Variants in GRID1 observed in about 807,000 individuals in gnomAD.
The protein encoded by GRID1 is glutamate ionotropic receptor delta type subunit 1, also known as glutamate receptor ionotropic, delta-1.
Under a neutral mutation model 98.0 loss-of-function variants are expected in GRID1, and 28 were observed. The ratio of observed to expected loss-of-function variants is 0.29; its 90% CI spans 0.21 to 0.39. The LOEUF (loss-of-function observed/expected upper bound fraction) is 0.39, where lower values mean the gene tolerates loss of function less well. Among genes scored for constraint, GRID1 ranks in the 10% least tolerant of loss-of-function variants. The pLI, the probability that GRID1 is intolerant of heterozygous loss-of-function variation, is 1.00. For synonymous variants in GRID1, 553 were observed against 538.5 expected (o/e 1.03, Z -0.37); for missense variants, 1,111 against 1,340.5 (o/e 0.83, Z 2.67).
At chr10:86,137,298 A>C (rs1003007311) in intron 4 of GRID1, among the ~76,000 whole-genome samples, 3 of 152,262 alleles carry the variant, frequency 2.0e-5, no homozygotes, top group Non-Finnish European at 2.9e-5. Context: ...TTAACAGATG[A>C]AGAAACAGAG....
intron 8 of GRID1, among the ~76,000 whole-genome samples, chr10:85,812,311 C>T (rs1379620332): frequency 2.0e-5 from 3 of 147,780 alleles, no homozygotes; most frequent in Non-Finnish European, 3.1e-5. Flanking sequence ...AAAAATCAAA[C>T]CTTACTATGA....
intron 8 of GRID1, among the ~76,000 whole-genome samples, chr10:85,786,127 T>C (rs938170183): frequency 1.3e-5 from 2 of 152,200 alleles, no homozygotes; most frequent in African/African-American, 4.8e-5. Context: ...TTTCATGATA[T>C]TCCCCCAAGT....
intron 2 of GRID1, among the ~76,000 whole-genome samples, chr10:86,358,195 T>C (rs918341687): frequency 7.9e-5 from 12 of 152,050 alleles, no homozygotes; most frequent in Non-Finnish European, 1.6e-4. Flanking sequence ...AAAGGAAACA[T>C]AGCCATCCAT....
At chr10:86,009,378 T>G (rs962826339) in intron 4 of GRID1, among the ~76,000 whole-genome samples, 1 of 152,160 alleles carries the variant, frequency 6.6e-6, no homozygotes, top group Admixed American at 6.5e-5. Context: ...TGCAACCAGT[T>G]TTATTTATGC....
chr10:85,858,552 G>A (rs1451467741), intron 6 of GRID1, among the ~76,000 whole-genome samples: 1 of 152,166 alleles, frequency 6.6e-6, no homozygotes, highest in Admixed American at 6.5e-5. Context: ...GTGTTGATAA[G>A]TCTTCCTCCC....
chr10:85,850,110 A>G (rs1843044065), intron 8 of GRID1, among the ~76,000 whole-genome samples: 1 of 152,094 alleles, frequency 6.6e-6, no homozygotes, highest in South Asian at 2.1e-4. Flanking sequence ...AATCGGGTGG[A>G]TGCCACCCAC....
At chr10:86,014,493 C>T (rs1842957649) in intron 4 of GRID1, among the ~76,000 whole-genome samples, 1 of 152,218 alleles carries the variant, frequency 6.6e-6, no homozygotes, top group African/African-American at 2.4e-5. Flanking sequence ...CATGCCTGTT[C>T]AGGCCCTGGA....
chr10:86,124,302 C>T (rs899161193), intron 4 of GRID1, among the ~76,000 whole-genome samples: 1 of 152,144 alleles, frequency 6.6e-6, no homozygotes, highest in African/African-American at 2.4e-5. Flanking sequence ...TCTTGGACAC[C>T]TCCCCAATGT....
At chr10:85,667,305 TCA>T (rs149877829) in intron 12 of GRID1, among the ~76,000 whole-genome samples, 9 of 146,328 alleles carry the variant, frequency 6.2e-5, no homozygotes, top group African/African-American at 2.3e-4. Context: ...CTTTCTAAAA[TCA>T]CACACACACA....
chr10:85,678,337 A>T (rs1841168900), intron 12 of GRID1, among the ~76,000 whole-genome samples: 1 of 152,176 alleles, frequency 6.6e-6, no homozygotes, highest in South Asian at 2.1e-4. Flanking sequence ...CAAAGGCTGG[A>T]CATAATTCCC....
At chr10:85,810,747 A>T (rs1193970465) in intron 8 of GRID1, among the ~76,000 whole-genome samples, 1 of 152,188 alleles carries the variant, frequency 6.6e-6, no homozygotes, top group African/African-American at 2.4e-5. Flanking sequence ...TGCCCCAGGC[A>T]GACATATGCC....
At chr10:85,833,723 A>T (rs61054817) in intron 8 of GRID1, among the ~76,000 whole-genome samples, 2,441 of 152,298 alleles carry the variant, frequency 0.016, 63 homozygotes, top group African/African-American at 0.055. Context: ...TGCTTCAACA[A>T]GCAATTACAA....
chr10:86,288,485 G>A (rs1847467066), intron 2 of GRID1, among the ~76,000 whole-genome samples: 1 of 152,190 alleles, frequency 6.6e-6, no homozygotes, highest in Non-Finnish European at 1.5e-5. Flanking sequence ...CTAGAATGTG[G>A]TCAACATCCA....
chr10:85,921,496 A>G (rs1452636850), intron 4 of GRID1, among the ~76,000 whole-genome samples: 2 of 152,244 alleles, frequency 1.3e-5, no homozygotes, highest in Non-Finnish European at 1.5e-5. Context: ...ACTGAGGGCC[A>G]GAGGACATTT....
chr10:86,020,886 A>G (rs558405457), intron 4 of GRID1, among the ~76,000 whole-genome samples: 5 of 152,304 alleles, frequency 3.3e-5, no homozygotes, highest in African/African-American at 1.2e-4. Flanking sequence ...GTTATAATAG[A>G]CATATAGAAA....
At chr10:86,352,592 T>A (rs1848478092) in intron 2 of GRID1, among the ~76,000 whole-genome samples, 2 of 152,028 alleles carry the variant, frequency 1.3e-5, no homozygotes, top group Admixed American at 6.6e-5. Flanking sequence ...AGGCCACTAA[T>A]CCCATCATGA....
chr10:85,880,822 T>G (rs368712714), intron 5 of GRID1, among the ~76,000 whole-genome samples: 9,142 of 151,676 alleles, frequency 0.06, 326 homozygotes, highest in Non-Finnish European at 0.071. Flanking sequence ...AGGAAAAGAG[T>G]AAGTCAAATT....
intron 2 of GRID1, among the ~76,000 whole-genome samples, chr10:86,233,592 AGTG>A (rs1194104392): frequency 6.6e-6 from 1 of 152,144 alleles, no homozygotes; most frequent in East Asian, 1.9e-4. Flanking sequence ...AACATCAGAC[AGTG>A]GTGGTGGTAG....
At chr10:85,914,929 T>C (rs1341689855) in intron 5 of GRID1, among the ~76,000 whole-genome samples, 1 of 152,156 alleles carries the variant, frequency 6.6e-6, no homozygotes. Context: ...ACCCCGGTAG[T>C]GCTCCTCAAA....
Sources: allele counts gnomAD v4.1 joint callset (sites outside exome capture counted in the v4.1 genomes callset), GRCh38; gene constraint gnomAD v4.1.1; transcripts MANE v1.5; gene names NCBI Gene and HGNC (gene_info 2026-07-23, HGNC 2026-07-21).